ERC2: variants seen among roughly 807,000 people sequenced by gnomAD.
The protein encoded by ERC2 is ERC protein 2.
Under a neutral mutation model 114.8 loss-of-function variants are expected in ERC2, and 42 were observed. The ratio of observed to expected loss-of-function variants is 0.37; its 90% confidence interval spans 0.29 to 0.47. The LOEUF (loss-of-function observed/expected upper bound fraction) is 0.47, where lower values mean the gene tolerates loss of function less well. Among genes scored for constraint, ERC2 ranks in the 20% least tolerant of loss-of-function variants. ERC2 has a pLI of 0.99. For missense variants in ERC2, 939 were observed against 1,150.7 expected (o/e 0.82, Z 2.66); for synonymous variants, 454 against 425.5 (o/e 1.07, Z -0.82).
intron 12 of ERC2, among the ~76,000 whole-genome samples, chr3:55,963,906 G>A (rs139172437): frequency 1.6e-4 from 25 of 152,324 alleles, no homozygotes; most frequent in African/African-American, 6.0e-4. Context: ...AGCACAAGGG[G>A]CACTTCGTGT....
chr3:56,382,077 C>T (rs559262221), intron 2 of ERC2, among the ~76,000 whole-genome samples: 1 of 152,202 alleles, frequency 6.6e-6, no homozygotes, highest in Non-Finnish European at 1.5e-5. Context: ...CCTTTTCACC[C>T]AGAAATGGAA....
chr3:56,052,197 T>G (rs993245457), intron 7 of ERC2, among the ~76,000 whole-genome samples: 1 of 152,190 alleles, frequency 6.6e-6, no homozygotes, highest in African/African-American at 2.4e-5. Context: ...TTAACAGTCA[T>G]TGCAGACCTG....
chr3:55,779,210 G>A lies in ERC2; in HGVS notation c.2565-44292C>T, dbSNP rs181673272. ...AAAGTTCTGGAAATAGGCCAGGTGC[G>A]GTGGCTCACGCCTGTAATCCTAGCA... On this transcript the variant is annotated intron_variant, in intron 14 of 17. Coordinates refer to ENST00000288221, the MANE Select transcript of ERC2 (RefSeq NM_015576.3). Among the ~76,000 whole-genome samples, 863 of 151,856 alleles carry A rather than the reference G, an allele frequency of 5.7e-3. 8 individuals are homozygous for A. Among genetic ancestry groups the A allele is most frequent in the African/African-American group, 0.02 (821 of 41,396 alleles).
intron 3 of ERC2, among the ~76,000 whole-genome samples, chr3:56,191,130 C>T (rs911735180): frequency 2.0e-5 from 3 of 152,174 alleles, no homozygotes; most frequent in African/African-American, 7.2e-5. Context: ...GTTACAGGCA[C>T]AGGCAGAGCT....
At chr3:55,965,505 T>C (rs372242197) in intron 12 of ERC2, among the ~76,000 whole-genome samples, 3 of 152,350 alleles carry the variant, frequency 2.0e-5, no homozygotes, top group African/African-American at 7.2e-5. Context: ...TTGTTTTATT[T>C]TTGTGTTTGT....
At chr3:56,239,652 T>A (rs892469648) in intron 3 of ERC2, among the ~76,000 whole-genome samples, 1 of 152,238 alleles carries the variant, frequency 6.6e-6, no homozygotes, top group African/African-American at 2.4e-5. Context: ...AACTGTGAAA[T>A]ACTAATCTGA....
At chr3:55,838,225 G>A (rs1019279294) in intron 14 of ERC2, among the ~76,000 whole-genome samples, 1 of 152,016 alleles carries the variant, frequency 6.6e-6, no homozygotes, top group African/African-American at 2.4e-5. Flanking sequence ...TGACATTTTA[G>A]AACACTCCAC....
At chr3:56,137,750 T>C (rs560214798) in intron 6 of ERC2, among the ~76,000 whole-genome samples, 1 of 152,222 alleles carries the variant, frequency 6.6e-6, no homozygotes, top group Non-Finnish European at 1.5e-5. Flanking sequence ...AAATGTTCTC[T>C]AGCTGTGCTG....
At position 55,556,354 on chromosome 3, in the gene ERC2, G is replaced by A. The variant is rs1419898190; in HGVS notation, c.*40-45078C>T. 3.3e-5 allele frequency among the ~76,000 whole-genome samples: 5 copies of A among 152,136 alleles called. No homozygotes were observed. In the East Asian group the frequency reaches 5.8e-4, roughly 18 times the overall value. On this transcript the variant is annotated intron_variant, in intron 17 of 17. Transcript: ENST00000288221. Reference sequence around the variant, plus strand: ...CTCTCAGTGCCCCACATGGAGTCACGTTACTGCCTGCTAGGCACGGGGTTT... The same window carrying A: ...CTCTCAGTGCCCCACATGGAGTCACATTACTGCCTGCTAGGCACGGGGTTT...
At position 56,465,727 on chromosome 3, in the gene ERC2, TA is replaced by T. The variant is rs536284031; in HGVS notation, c.-141+2520del. On this transcript the variant is annotated intron_variant, in intron 1 of 17. Transcript: ENST00000288221. ...AAAATTTTTATTTTATTATGTGTTA[TA>T]TTTTTTATATTTTATTATGTTTCTA... 5.0e-3 allele frequency among the ~76,000 whole-genome samples: 767 copies of T among 152,392 alleles called. 8 individuals carry two copies. The highest frequency in any genetic ancestry group is 9.1e-3 in the Non-Finnish European group (620 of 68,044).
At chr3:56,243,171 C>T (rs1473268986) in intron 3 of ERC2, among the ~76,000 whole-genome samples, 5 of 152,100 alleles carry the variant, frequency 3.3e-5, no homozygotes, top group Non-Finnish European at 5.9e-5. Context: ...AACAAAGAAG[C>T]TTTTACCACC....
At chr3:56,278,140 G>A (rs918663725) in intron 3 of ERC2, among the ~76,000 whole-genome samples, 3 of 152,208 alleles carry the variant, frequency 2.0e-5, no homozygotes, top group Non-Finnish European at 4.4e-5. Context: ...ATAAATGTTA[G>A]TCATGATGAT....
At chr3:55,835,011 A>C (rs2060805781) in intron 14 of ERC2, among the ~76,000 whole-genome samples, 1 of 151,696 alleles carries the variant, frequency 6.6e-6, no homozygotes, top group African/African-American at 2.4e-5. Context: ...AGAAATGGAT[A>C]AATTCCTCGA....
intron 14 of ERC2, among the ~76,000 whole-genome samples, chr3:55,834,926 C>T (rs1267223559): frequency 4.0e-5 from 6 of 150,140 alleles, no homozygotes; most frequent in Admixed American, 6.6e-5. Context: ...ATATCACCAC[C>T]GATCCCACAG....
intron 3 of ERC2, among the ~76,000 whole-genome samples, chr3:56,250,724 G>A (rs112495267): frequency 4.8e-4 from 73 of 152,198 alleles, no homozygotes; most frequent in African/African-American, 1.7e-3. Context: ...GTAAACATCC[G>A]TCAGTTGAAC....
intron 14 of ERC2, among the ~76,000 whole-genome samples, chr3:55,789,493 A>G (rs2069803764): frequency 6.6e-6 from 1 of 152,254 alleles, no homozygotes; most frequent in Non-Finnish European, 1.5e-5. Context: ...ATTTCAAGCT[A>G]AAAAGACAAC....
In ERC2 at chr3:56,124,325, A is replaced by T. The variant is rs866700126; in HGVS notation, c.1473+15184T>A. Among the ~76,000 whole-genome samples, 3 of 152,228 alleles carry T rather than the reference A, an allele frequency of 2.0e-5. No homozygotes were observed. In the South Asian group the frequency reaches 6.2e-4, roughly 32 times the overall value. ...GTTTGCCAGTAAAAATAAGAACATAAGAAATATTCCTGACTTGAATTACAA... is the reference window on the plus strand; with the variant it reads ...GTTTGCCAGTAAAAATAAGAACATATGAAATATTCCTGACTTGAATTACAA... On this transcript the variant is annotated intron_variant, in intron 6 of 17. Transcript: ENST00000288221.
chr3:56,028,122 C>T (rs1220587135), intron 7 of ERC2, among the ~76,000 whole-genome samples: 1 of 152,054 alleles, frequency 6.6e-6, no homozygotes, highest in Non-Finnish European at 1.5e-5. Context: ...ATTTGTGTGG[C>T]TGTATTTCTG....
intron 3 of ERC2, among the ~76,000 whole-genome samples, chr3:56,272,521 G>C (rs1006244410): frequency 6.6e-6 from 1 of 152,246 alleles, no homozygotes; most frequent in Non-Finnish European, 1.5e-5. Context: ...TGTTATCCCA[G>C]CACTTTGGGA....
Sources: gnomAD v4.1 joint callset for allele counts (sites outside exome capture counted in the v4.1 genomes callset) on GRCh38, gnomAD v4.1.1 for gene constraint, MANE v1.5 for transcripts, NCBI Gene and HGNC (gene_info 2026-07-23, HGNC 2026-07-21) for gene names.